Variants in POT1 observed in about 807,000 individuals in gnomAD.
POT1 encodes protection of telomeres protein 1.
A neutral mutation model predicts 78.5 loss-of-function variants in POT1; 47 were observed. The observed-to-expected ratio is 0.60, with a 90% CI of 0.47 to 0.76. The LOEUF is 0.76. POT1 is among the 30% of genes least tolerant of loss of function. POT1 has a pLI of 0.00. For synonymous variants in POT1, 259 were observed against 260.7 expected, an observed-to-expected ratio of 0.99 and a Z score of 0.06; for missense variants, 646 against 749.9, an observed-to-expected ratio of 0.86 and a Z score of 1.62.
chr7:124,897,896 G>A (rs1299909615), intron 4 of POT1, among the ~76,000 whole-genome samples: 1 of 151,872 alleles, frequency 6.6e-6, no homozygotes, highest in Non-Finnish European at 1.5e-5. Context: ...AACGAATAAA[G>A]TAGGAGAAGG....
intron 3 of POT1, among the ~76,000 whole-genome samples, chr7:124,902,238 G>C (rs956299433): frequency 6.6e-5 from 10 of 152,134 alleles, no homozygotes; most frequent in South Asian, 6.2e-4. Flanking sequence ...ATTCACCAAG[G>C]CTGAAATGAA....
intron 13 of POT1, 134 bp downstream of exon 13, chr7:124,842,673 A>T (rs1471264688): frequency 4.7e-6 from 3 of 634,882 alleles, no homozygotes; most frequent in Non-Finnish European, 6.9e-6. Flanking sequence ...CTTTACCTAA[A>T]AAATTTACCA....
At chr7:124,927,901 G>A (rs1056511416) in intron 2 of POT1, among the ~76,000 whole-genome samples, 2 of 152,008 alleles carry the variant, frequency 1.3e-5, no homozygotes, top group African/African-American at 4.8e-5. Context: ...TACTGATTCT[G>A]CTTCTTTATC....
At chr7:124,839,786 C>T (rs1794982090) in intron 14 of POT1, among the ~76,000 whole-genome samples, 1 of 152,052 alleles carries the variant, frequency 6.6e-6, no homozygotes. Flanking sequence ...CCATTATCAA[C>T]ATCTTGCACC....
In POT1 at chr7:124,885,516, C is replaced by T. The variant is rs994429844; in HGVS notation, c.124+6750G>A. On this transcript the variant is annotated intron_variant, in intron 6 of 18. Transcript: ENST00000357628. ...GTGTGGTGGCTCAAGCCTGTAATCC[C>T]AGCACTTTGGGAGGCCAAGGCAGGT... 7.9e-5 allele frequency among the ~76,000 whole-genome samples: 12 copies of T among 151,918 alleles called. 1 individual carries two copies. The highest frequency in any genetic ancestry group is 7.9e-4 in the Admixed American group (12 of 15,234).
At chr7:124,863,712 A>C in intron 7 of POT1, 72 bp from the exon 8 acceptor site, 1 of 1,173,838 alleles carries the variant, frequency 8.5e-7, no homozygotes, top group South Asian at 1.5e-5. Context: ...TACGAACCAA[A>C]GAAACTGGAA....
intron 15 of POT1, among the ~76,000 whole-genome samples, chr7:124,832,299 C>A (rs1010868965): frequency 2.7e-5 from 4 of 146,022 alleles, no homozygotes; most frequent in East Asian, 2.0e-4. Context: ...CAAAACGTTA[C>A]GATTTGTTAA....
intron 7 of POT1, among the ~76,000 whole-genome samples, chr7:124,864,892 T>C (rs1004629442): frequency 9.9e-5 from 15 of 152,206 alleles, no homozygotes; most frequent in African/African-American, 3.4e-4. Context: ...GCTATTTTTT[T>C]CCATCATTTC....
At chr7:124,878,839 T>C (rs1796051607) in intron 6 of POT1, among the ~76,000 whole-genome samples, 2 of 152,006 alleles carry the variant, frequency 1.3e-5, no homozygotes, top group South Asian at 2.1e-4. Flanking sequence ...GGAAGAAATA[T>C]GTATGGTTAC....
chr7:124,842,153 T>C (rs1795043169), intron 13 of POT1, among the ~76,000 whole-genome samples: 1 of 151,992 alleles, frequency 6.6e-6, no homozygotes, highest in African/African-American at 2.4e-5. Flanking sequence ...TAACCATCAA[T>C]TATCTACATT....
chr7:124,894,233 T>G (rs1796439147), intron 5 of POT1, among the ~76,000 whole-genome samples: 1 of 151,264 alleles, frequency 6.6e-6, no homozygotes, highest in Non-Finnish European at 1.5e-5. Context: ...CTAATCAAAC[T>G]TCAATATAAA....
intron 14 of POT1, among the ~76,000 whole-genome samples, chr7:124,838,357 A>C (rs1388869321): frequency 1.3e-5 from 2 of 152,184 alleles, no homozygotes; most frequent in African/African-American, 4.8e-5. Flanking sequence ...GCTTCCCTAT[A>C]CATAAGCAAT....
chr7:124,906,938 G>A (rs1796779870), intron 3 of POT1, among the ~76,000 whole-genome samples: 1 of 152,098 alleles, frequency 6.6e-6, no homozygotes, highest in African/African-American at 2.4e-5. Flanking sequence ...AATTGAAAAT[G>A]AGATTTTATA....
At chr7:124,900,331 T>C (rs1033532264) in intron 3 of POT1, among the ~76,000 whole-genome samples, 1 of 152,162 alleles carries the variant, frequency 6.6e-6, no homozygotes, top group African/African-American at 2.4e-5. Flanking sequence ...TGACCTAATC[T>C]ATATTTCAAA....
In POT1 at chr7:124,891,475, C is replaced by T. The variant is rs564410214; in HGVS notation, c.124+791G>A. Among the ~76,000 whole-genome samples the T allele has an allele frequency of 4.0e-5, 6 of 151,352 alleles. No homozygotes were observed. In the South Asian group the frequency reaches 1.2e-3, roughly 31 times the overall value. On this transcript the variant is annotated intron_variant, in intron 6 of 18. Coordinates refer to ENST00000357628, the MANE Select transcript of POT1 (RefSeq NM_015450.3). ...GTTTTTTTTAATGCACTCAGCTACT[C>T]TATGATTTTTTATTAGGTAATTTAA... is the stretch of plus-strand genomic sequence containing the variant.
chr7:124,845,152 G>A (rs1795134600), intron 12 of POT1, among the ~76,000 whole-genome samples: 1 of 152,008 alleles, frequency 6.6e-6, no homozygotes, highest in Non-Finnish European at 1.5e-5. Context: ...TACTATAATC[G>A]AATTAATTAA....
intron 6 of POT1, among the ~76,000 whole-genome samples, chr7:124,881,304 T>A (rs1204751954): frequency 3.9e-5 from 6 of 152,006 alleles, no homozygotes; most frequent in Non-Finnish European, 8.8e-5. Context: ...CTACACATGC[T>A]CCATTATAAT....
chr7:124,852,113 G>A (rs1795325604), intron 10 of POT1, among the ~76,000 whole-genome samples, 162 bp from the exon 11 acceptor site: 1 of 151,958 alleles, frequency 6.6e-6, no homozygotes, highest in Non-Finnish European at 1.5e-5. Context: ...AGATTTTCCG[G>A]GGGTTCAAAT....
intron 3 of POT1, among the ~76,000 whole-genome samples, chr7:124,902,730 C>A (rs1007273409): frequency 6.6e-6 from 1 of 152,206 alleles, no homozygotes; most frequent in African/African-American, 2.4e-5. Flanking sequence ...CACAGAATGG[C>A]AAATTGGATA....
Sources: gnomAD v4.1 joint callset for allele counts (sites outside exome capture counted in the v4.1 genomes callset) on GRCh38, gnomAD v4.1.1 for gene constraint, MANE v1.5 for transcripts, NCBI Gene and HGNC (gene_info 2026-07-23, HGNC 2026-07-21) for gene names.